KATNAL1: variants seen among roughly 807,000 people sequenced by gnomAD.
KATNAL1 encodes katanin p60 ATPase-containing subunit A-like 1.
Under a neutral mutation model 55.2 loss-of-function variants are expected in KATNAL1, and 32 were observed. That is an observed-to-expected ratio of 0.58 (90% CI 0.44 to 0.78). The LOEUF (loss-of-function observed/expected upper bound fraction) is 0.78. Among genes scored for constraint, KATNAL1 ranks in the 30% least tolerant of loss-of-function variants. KATNAL1 has a pLI of 0.00. For synonymous variants in KATNAL1, 193 were observed against 193.6 expected (o/e 1.00, Z 0.02); for missense variants, 466 against 600.9 (o/e 0.78, Z 2.35).
chr13:30,217,380 G>C (rs1157908476), intron 9 of KATNAL1, among the ~76,000 whole-genome samples: 1 of 152,142 alleles, frequency 6.6e-6, no homozygotes, highest in African/African-American at 2.4e-5. Context: ...CGTGAACTCA[G>C]GGGGCGGAGC....
intron 4 of KATNAL1, among the ~76,000 whole-genome samples, chr13:30,255,056 T>G (rs1878660417): frequency 6.6e-6 from 1 of 152,228 alleles, no homozygotes; most frequent in Non-Finnish European, 1.5e-5. Flanking sequence ...TTGGCAGTAG[T>G]AAATCATATC....
chr13:30,273,515 T>C (rs9508686), intron 3 of KATNAL1, among the ~76,000 whole-genome samples: 13,299 of 152,226 alleles, frequency 0.087, 793 homozygotes, highest in African/African-American at 0.17. Flanking sequence ...TATGAAGATT[T>C]AAAAAGAAAC....
At chr13:30,266,720 T>C (rs1879810338) in intron 3 of KATNAL1, among the ~76,000 whole-genome samples, 1 of 152,224 alleles carries the variant, frequency 6.6e-6, no homozygotes, top group South Asian at 2.1e-4. Flanking sequence ...CTCTTAGACA[T>C]GCCTAGCCTT....
intron 4 of KATNAL1, among the ~76,000 whole-genome samples, chr13:30,252,950 T>C (rs1878460069): frequency 6.6e-6 from 1 of 152,202 alleles, no homozygotes; most frequent in South Asian, 2.1e-4. Context: ...TTACACTATG[T>C]TGCCCAGGCT....
At chr13:30,252,308 G>C (rs962916234) in intron 4 of KATNAL1, among the ~76,000 whole-genome samples, 1 of 152,188 alleles carries the variant, frequency 6.6e-6, no homozygotes, top group Non-Finnish European at 1.5e-5. Flanking sequence ...GCTCAAGGAA[G>C]ACTAACATTT....
intron 9 of KATNAL1, among the ~76,000 whole-genome samples, chr13:30,211,519 C>T (rs1322427415): frequency 6.6e-6 from 1 of 152,230 alleles, no homozygotes; most frequent in Non-Finnish European, 1.5e-5. Flanking sequence ...ATAACTTTTA[C>T]AAACCATAAC....
intron 2 of KATNAL1, among the ~76,000 whole-genome samples, chr13:30,283,220 T>C (rs1302830814): frequency 3.8e-5 from 5 of 132,382 alleles, no homozygotes; most frequent in African/African-American, 1.2e-4. Flanking sequence ...TGAGCCGAGA[T>C]TGCGCCACTG....
intron 8 of KATNAL1, among the ~76,000 whole-genome samples, chr13:30,227,918 C>A (rs139176477): frequency 6.6e-6 from 1 of 151,968 alleles, no homozygotes; most frequent in Non-Finnish European, 1.5e-5. Context: ...TCATAAAGTT[C>A]CGCAAAAATT....
chr13:30,283,280 AAAAAAAAAAAAG>A (rs1003823651), intron 2 of KATNAL1, among the ~76,000 whole-genome samples: 8 of 150,362 alleles, frequency 5.3e-5, no homozygotes, highest in East Asian at 4.0e-4. Context: ...AAAAAAAAAA[AAAAAAAAAAAAG>A]GAATGAATGA....
At chr13:30,270,772 T>C (rs1319541406) in intron 3 of KATNAL1, among the ~76,000 whole-genome samples, 2 of 151,246 alleles carry the variant, frequency 1.3e-5, no homozygotes, top group African/African-American at 4.8e-5. Flanking sequence ...ACACAAACAC[T>C]GCGGAAGGCC....
At chr13:30,293,369 C>T (rs1166595417) in intron 1 of KATNAL1, among the ~76,000 whole-genome samples, 1 of 152,112 alleles carries the variant, frequency 6.6e-6, no homozygotes, top group Non-Finnish European at 1.5e-5. Flanking sequence ...TGACCTTTTA[C>T]ACTGTGCACA....
At chr13:30,217,717 G>A (rs1281685494) in intron 9 of KATNAL1, among the ~76,000 whole-genome samples, 2 of 152,120 alleles carry the variant, frequency 1.3e-5, no homozygotes, top group African/African-American at 4.8e-5. Flanking sequence ...CTCTCACTTA[G>A]CCTCTGGGTC....
At chr13:30,289,309 T>C (rs1417348202) in intron 1 of KATNAL1, among the ~76,000 whole-genome samples, 2 of 152,206 alleles carry the variant, frequency 1.3e-5, no homozygotes, top group Non-Finnish European at 2.9e-5. Flanking sequence ...GCAACTCTTC[T>C]TGCCAAAAGA....
At chr13:30,223,364 C>A (rs1875101909) in intron 9 of KATNAL1, among the ~76,000 whole-genome samples, 1 of 140,410 alleles carries the variant, frequency 7.1e-6, no homozygotes. Flanking sequence ...ATGGTGTGAA[C>A]CTGGGAGGCA....
intron 2 of KATNAL1, among the ~76,000 whole-genome samples, chr13:30,282,440 C>A (rs1881429218): frequency 1.3e-5 from 2 of 151,966 alleles, no homozygotes; most frequent in East Asian, 1.9e-4. Context: ...GAGTTTGAGA[C>A]CACCCTGGGC....
chr13:30,239,928 CCCTCCTCAG>C (rs1422718059), intron 6 of KATNAL1, among the ~76,000 whole-genome samples: 2 of 152,106 alleles, frequency 1.3e-5, no homozygotes, highest in Non-Finnish European at 2.9e-5. Context: ...TCGTGATCCA[CCCTCCTCAG>C]CCTCCCAAAG....
At chr13:30,212,153 G>A (rs113907450) in intron 9 of KATNAL1, among the ~76,000 whole-genome samples, 18 of 149,330 alleles carry the variant, frequency 1.2e-4, no homozygotes, top group African/African-American at 4.4e-4. Context: ...GTATTCTCAA[G>A]ACATATATTC....
At chr13:30,294,122 A>C (rs1452306724) in intron 1 of KATNAL1, among the ~76,000 whole-genome samples, 2 of 152,164 alleles carry the variant, frequency 1.3e-5, no homozygotes, top group Non-Finnish European at 2.9e-5. Context: ...CCAATGAAGA[A>C]CCCTACAATA....
chr13:30,306,762 A>G (rs1883203522), intron 1 of KATNAL1: 3 of 152,054 alleles, frequency 2.0e-5, no homozygotes, highest in Admixed American at 2.0e-4. Context: ...TGACATACAT[A>G]CGGTTCTGCA....
Sources: gnomAD v4.1 joint callset for allele counts (sites outside exome capture counted in the v4.1 genomes callset) on GRCh38, gnomAD v4.1.1 for gene constraint, MANE v1.5 for transcripts, NCBI Gene and HGNC (gene_info 2026-07-23, HGNC 2026-07-21) for gene names.